The following PSMF1 variants were observed in gnomAD, a reference collection of about 807,000 sequenced individuals.
PSMF1 encodes the protein proteasome inhibitor PI31 subunit.
A neutral mutation model predicts 29.3 loss-of-function variants in PSMF1; 30 were observed. The observed-to-expected ratio is 1.02, with a 90% CI of 0.77 to 1.39. The LOEUF is 1.39. Among genes scored for constraint, PSMF1 ranks in the 40% most tolerant of loss-of-function variants. The probability of loss-of-function intolerance (pLI) is 0.00; values close to 1 mark genes in which losing one functional copy is unlikely to be tolerated. For missense variants in PSMF1, 344 were observed against 357.5 expected, an observed-to-expected ratio of 0.96 and a Z score of 0.31; for synonymous variants, 134 against 139.7, an observed-to-expected ratio of 0.96 and a Z score of 0.29.
intron 4 of PSMF1, chr20:1,161,683 C>T: frequency 1.5e-6 from 1 of 652,054 alleles, no homozygotes; most frequent in Non-Finnish European, 2.9e-6. Context: ...CCATGTCCAC[C>T]ACAAATGCTT....
rs367616709 is a variant in PSMF1, at chr20:1,118,786, G to A, written c.13G>A (p.Glu5Lys). ...GTCGCGGGCGCTCATGGCGGGCCTG[G>A]AGGTACTGTTCGCATCGGCAGCGCC... MAGL[E>K]VLFASAAPAI... Residue 5 changes from glutamate (E) to lysine (K), a missense_variant, in exon 1 of 7, where the codon GAG becomes AAG. By Grantham distance (56) the Glu-to-Lys change is moderately conservative. Coordinates refer to ENST00000335877, the MANE Select transcript of PSMF1 (RefSeq NM_006814.5). The A allele has an allele frequency of 6.2e-7, 1 of 1,612,202 alleles. No homozygotes were observed. Among genetic ancestry groups the A allele is most frequent in the Admixed American group, 1.7e-5 (1 of 59,954 alleles).
intron 2 of PSMF1, among the ~76,000 whole-genome samples, chr20:1,126,711 C>G (rs1456308810): frequency 2.0e-5 from 3 of 152,014 alleles, no homozygotes; most frequent in African/African-American, 7.3e-5. Flanking sequence ...CCTGTCTCTA[C>G]TAAAAATATT....
At chr20:1,133,681 T>C (rs966036646) in intron 3 of PSMF1, among the ~76,000 whole-genome samples, 1 of 150,444 alleles carries the variant, frequency 6.6e-6, no homozygotes, top group African/African-American at 2.4e-5. Flanking sequence ...TAGAAGTGAC[T>C]GTAAAATTGG....
rs543061258 is a variant in PSMF1 at position 1,120,348 on chromosome 20, C to G, written c.129+1446C>G. Among the ~76,000 whole-genome samples the G allele has an allele frequency of 2.0e-5, 3 of 152,296 alleles. No homozygotes were observed. The East Asian group carries it at 5.8e-4, about 29-fold the overall frequency. ...GGATGGAAAAGAACAGCTAGCCTTT[C>G]ACACACACATACCTGGAAGCAGGAA... On this transcript the variant is annotated intron_variant, in intron 1 of 6. Transcript: ENST00000335877.
chr20:1,129,232 G>A (rs1038958911), intron 3 of PSMF1, among the ~76,000 whole-genome samples: 1 of 152,050 alleles, frequency 6.6e-6, no homozygotes, highest in African/African-American at 2.4e-5. Context: ...GGCTGGTGTC[G>A]AACTCCTGAC....
upstream of PSMF1, among the ~76,000 whole-genome samples, chr20:1,114,369 A>G (rs559627044): frequency 1.3e-5 from 2 of 152,300 alleles, no homozygotes; most frequent in Admixed American, 6.5e-5. Context: ...TCAGCTCCCA[A>G]ATAAACCACT....
At chr20:1,143,509 A>G (rs1051461620) in intron 4 of PSMF1, among the ~76,000 whole-genome samples, 3 of 152,250 alleles carry the variant, frequency 2.0e-5, no homozygotes, top group African/African-American at 7.2e-5. Context: ...AATGTAACAT[A>G]CAATACCACA....
chr20:1,138,834 C>CAA (rs71191994), intron 4 of PSMF1, among the ~76,000 whole-genome samples: 34 of 148,956 alleles, frequency 2.3e-4, no homozygotes, highest in South Asian at 4.3e-4. Flanking sequence ...CAAAAACAAA[C>CAA]AAAAAAAAAC....
chr20:1,152,515 A>G (rs532720109), intron 4 of PSMF1, among the ~76,000 whole-genome samples: 2 of 152,374 alleles, frequency 1.3e-5, no homozygotes, highest in African/African-American at 4.8e-5. Context: ...GCACAGTCCG[A>G]TGCATATAAC....
At chr20:1,131,745 C>T (rs1428673725) in intron 3 of PSMF1, among the ~76,000 whole-genome samples, 1 of 152,218 alleles carries the variant, frequency 6.6e-6, no homozygotes, top group Non-Finnish European at 1.5e-5. Flanking sequence ...CTGCTGTACC[C>T]TTTCTGTGTC....
rs184620991 is a variant in PSMF1 at position 1,157,757 on chromosome 20, C to T, written c.552-5373C>T. ...GCCTTCAGTAAGCACCTCAGCAGGT[C>T]GTTTTTTTTTTTTCCTGGTGGAGTG... On this transcript the variant is annotated intron_variant, in intron 4 of 6. Transcript: ENST00000335877. Among the ~76,000 whole-genome samples the T allele has an allele frequency of 1.5e-3, 228 of 150,532 alleles. 1 individual carries two copies. Among genetic ancestry groups the T allele is most frequent in the Non-Finnish European group, 2.1e-3 (142 of 67,732 alleles).
chr20:1,157,695 G>T (rs2086612141), intron 4 of PSMF1, among the ~76,000 whole-genome samples: 2 of 151,936 alleles, frequency 1.3e-5, no homozygotes, highest in South Asian at 2.1e-4. Context: ...TGGTATTGAT[G>T]ATTGCCTTCT....
At position 1,139,662 on chromosome 20, in the gene PSMF1, G is replaced by A. The variant is rs569419996; in HGVS notation, c.551+4356G>A. ...CAGGAGGCTGAGGCAGGAGAACGGC[G>A]TGAACCCGGGAGGCAGAGCTTGCAG... On this transcript the variant is annotated intron_variant, in intron 4 of 6. Transcript: ENST00000335877. Among the ~76,000 whole-genome samples the A allele has an allele frequency of 4.1e-3, 619 of 151,410 alleles. 5 individuals are homozygous for A. Among genetic ancestry groups the A allele is most frequent in the African/African-American group, 0.014 (592 of 41,216 alleles).
Position 1,164,896 on chromosome 20 carries a change from A to G in PSMF1, c.765-133A>G, listed in dbSNP as rs1352319071. Reference sequence around the variant, plus strand: ...TCAAACCCCGGTTGTCTGGCTCTTGAGTGCATGTGTTTAAATTCCTCACAC... The same window carrying G: ...TCAAACCCCGGTTGTCTGGCTCTTGGGTGCATGTGTTTAAATTCCTCACAC... On this transcript the variant is annotated intron_variant, in intron 6 of 6. Coordinates refer to ENST00000335877, the MANE Select transcript of PSMF1 (RefSeq NM_006814.5). This position sits in a 1 kb window ranked among gnomAD's most constrained non-coding sequence, Gnocchi z 4.1. The G allele has an allele frequency of 3.7e-6, 3 of 809,086 alleles. No homozygotes were observed. The highest frequency in any genetic ancestry group is 6.3e-6 in the Non-Finnish European group (3 of 479,628). The allele number at this position is 809,086 out of a possible 1,614,324, so 50.1% of individuals were successfully genotyped here.
rs1038396496 is a variant in PSMF1 at position 1,165,650 on chromosome 20, T to G, written c.*570T>G. ...CTGACATCACTAAGATGGGTCCCCT[T>G]CTGGCTGCATGAATGGAAATGAGTG... is the stretch of plus-strand genomic sequence containing the variant. On this transcript the variant is annotated 3_prime_UTR_variant, in exon 7 of 7. Transcript: ENST00000335877. 4.0e-6 allele frequency: 4 copies of G among 997,102 alleles called. No individual in the cohort carries two copies. In the African/African-American group the frequency reaches 7.0e-5, roughly 17 times the overall value. The allele number at this position is 997,102 out of a possible 1,614,324, so 61.8% of individuals were successfully genotyped here.
chr20:1,133,355 G>T (rs2086255569), intron 3 of PSMF1, among the ~76,000 whole-genome samples: 1 of 150,588 alleles, frequency 6.6e-6, no homozygotes, highest in Non-Finnish European at 1.5e-5. Flanking sequence ...ATGATCATAT[G>T]ATTTTTCTTC....
intron 4 of PSMF1, among the ~76,000 whole-genome samples, chr20:1,144,144 A>G (rs777891453): frequency 6.6e-6 from 1 of 152,168 alleles, no homozygotes; most frequent in East Asian, 1.9e-4. Flanking sequence ...ACTGAGAAGG[A>G]TGTACAGATG....
chr20:1,153,423 C>A (rs968790500), intron 4 of PSMF1, among the ~76,000 whole-genome samples: 2 of 152,136 alleles, frequency 1.3e-5, no homozygotes, highest in Non-Finnish European at 2.9e-5. Flanking sequence ...CTCTTCAAAG[C>A]CAGCAGTGCT....
intron 4 of PSMF1, 91 bp downstream of exon 4, chr20:1,135,397 C>A: frequency 7.6e-7 from 1 of 1,320,058 alleles, no homozygotes; most frequent in Non-Finnish European, 1.0e-6. Context: ...CCATCCCTGG[C>A]CCGTATGTGT....
Sources: allele counts gnomAD v4.1 joint callset (sites outside exome capture counted in the v4.1 genomes callset), GRCh38; gene constraint gnomAD v4.1.1; non-coding constraint Gnocchi (gnomAD v3.1); transcripts MANE v1.5; gene names NCBI Gene and HGNC (gene_info 2026-07-23, HGNC 2026-07-21).